Variants in SEC63 observed in about 807,000 individuals in gnomAD.
SEC63 encodes SEC63 protein translocation regulator, also known as translocation protein SEC63 homolog.
Under a neutral mutation model 116.2 loss-of-function variants are expected in SEC63, and 56 were observed. The ratio of observed to expected loss-of-function variants is 0.48; its 90% CI spans 0.39 to 0.60. The LOEUF (loss-of-function observed/expected upper bound fraction) is 0.60, where lower values mean the gene tolerates loss of function less well. SEC63 is among the 20% of genes least tolerant of loss of function. The probability of loss-of-function intolerance (pLI) is 0.00; values close to 1 mark genes in which losing one functional copy is unlikely to be tolerated. For synonymous variants in SEC63, 273 were observed against 294.6 expected, an observed-to-expected ratio of 0.93 and a Z score of 0.75; for missense variants, 668 against 900.0, an observed-to-expected ratio of 0.74 and a Z score of 3.30.
At chr6:107,904,151 A>G (rs959515976) in intron 11 of SEC63, among the ~76,000 whole-genome samples, 1 of 133,918 alleles carries the variant, frequency 7.5e-6, no homozygotes, top group African/African-American at 2.9e-5. Context: ...AAAATCAAAA[A>G]CACAGTGACC....
chr6:107,918,993 C>T (rs1787482958), intron 4 of SEC63, among the ~76,000 whole-genome samples: 1 of 149,006 alleles, frequency 6.7e-6, no homozygotes, highest in Admixed American at 6.8e-5. Flanking sequence ...CCACCCCAAC[C>T]TCCGCCTCCC....
rs866867704 is a variant in SEC63 at position 107,924,851 on chromosome 6, T to C, written c.306A>G (p.Glu102=). The change falls in exon 3 of 21, where the codon GAA becomes GAG. Residue 102 remains glutamate (E), a synonymous_variant. Coordinates refer to ENST00000369002, the MANE Select transcript of SEC63 (RefSeq NM_007214.5). ...AATTTAATACTTCATAAGGATTGTA[T>C]TCTTGGTATTCTCGGTCTGTTTTGG... ...KVSKTDREYQ[E]YNPYEVLNLD... is the part of the protein sequence containing the mutation. 6.3e-7 allele frequency: 1 copy of C among 1,579,424 alleles called. No individual in the cohort carries two copies. The highest frequency in any genetic ancestry group is 1.7e-4 in the Middle Eastern group (1 of 5,990).
At chr6:107,930,797 C>T (rs1787789264) in intron 1 of SEC63, among the ~76,000 whole-genome samples, 1 of 149,882 alleles carries the variant, frequency 6.7e-6, no homozygotes, top group Non-Finnish European at 1.5e-5. Flanking sequence ...AAGTTAAAGA[C>T]CAACCTGGCC....
At chr6:107,911,990 C>G (rs1317221994) in intron 6 of SEC63, among the ~76,000 whole-genome samples, 2 of 152,308 alleles carry the variant, frequency 1.3e-5, no homozygotes, top group Non-Finnish European at 2.9e-5. Flanking sequence ...ACTATTCCTA[C>G]TAACCAGAAG....
In SEC63 at chr6:107,871,836, A is replaced by C; in HGVS notation, c.2151T>G (p.His717Gln). ...DQIKPLKLEV[H>Q]EAKPVPENHP... ...GATTTTCTGGCACAGGCTTAGCCTC[A>C]TGAACTTCCAACTAGAAAGAAGAAT... The change falls in exon 21 of 21, where the codon CAT becomes CAG. Residue 717 changes from histidine to glutamine, a missense_variant. By Grantham distance (24) the His-to-Gln change is conservative. Coordinates refer to ENST00000369002, the MANE Select transcript of SEC63 (RefSeq NM_007214.5). 6.2e-7 allele frequency: 1 copy of C among 1,613,676 alleles called. No individual in the cohort carries two copies. The highest frequency in any genetic ancestry group is 8.5e-7 in the Non-Finnish European group (1 of 1,179,724).
chr6:107,871,905 T>C, intron 20 of SEC63, 58 bp from the exon 21 acceptor site: 1 of 1,577,730 alleles, frequency 6.3e-7, no homozygotes, highest in Admixed American at 1.7e-5. Flanking sequence ...ATGGAAGAAA[T>C]CTTGGTAAAC....
At chr6:107,936,267 CTA>C (rs1487241521) in intron 1 of SEC63, among the ~76,000 whole-genome samples, 4 of 152,188 alleles carry the variant, frequency 2.6e-5, no homozygotes, top group Non-Finnish European at 4.4e-5. Context: ...TTTTAGGAGA[CTA>C]TTTCAATCAA....
At chr6:107,932,987 G>A (rs959199473) in intron 1 of SEC63, among the ~76,000 whole-genome samples, 2 of 152,008 alleles carry the variant, frequency 1.3e-5, no homozygotes, top group African/African-American at 4.8e-5. Context: ...AATGACAAAA[G>A]GGACTTTACA....
rs748399382 is a variant in SEC63, at chr6:107,902,900, G to C, written c.1153C>G (p.Leu385Val). The change falls in exon 12 of 21, where the codon CTG becomes GTG. Residue 385 changes from leucine to valine, a missense_variant. Around this residue, in one of 5 missense-constraint regions of SEC63, gnomAD observed 430 missense variants for 557.5 expected, o/e 0.77. Coordinates refer to ENST00000369002, the MANE Select transcript of SEC63 (RefSeq NM_007214.5). ...TCCTCTTCAATATGAGGGAGCTGCA[G>C]AAGGGGAGACTTAAATTGCTGAAGT... ...QGLQQFKSPLLQLPHIEEDNL... is the reference protein window; with the variant it reads ...QGLQQFKSPLVQLPHIEEDNL... 2 of 1,613,844 alleles carry C rather than the reference G, an allele frequency of 1.2e-6. No homozygotes were observed. The highest frequency in any genetic ancestry group is 1.7e-6 in the Non-Finnish European group (2 of 1,179,752).
intron 1 of SEC63, 53 bp from the exon 2 acceptor site, chr6:107,929,567 G>A: frequency 1.9e-6 from 2 of 1,067,780 alleles, no homozygotes; most frequent in Non-Finnish European, 2.9e-6. Context: ...ACAAGTGAAG[G>A]TAAAACCAGC....
chr6:107,902,401 G>A (rs1447172887), intron 12 of SEC63, among the ~76,000 whole-genome samples: 1 of 151,800 alleles, frequency 6.6e-6, no homozygotes, highest in Non-Finnish European at 1.5e-5. Flanking sequence ...ACAAATTTTT[G>A]TTATATCTTA....
chr6:107,923,710 TG>T (rs199627677), intron 3 of SEC63, among the ~76,000 whole-genome samples: 9,195 of 141,232 alleles, frequency 0.065, 952 homozygotes, highest in African/African-American at 0.21. Context: ...TTTTTTTTTT[TG>T]ATACAGCCTG....
At chr6:107,950,582 A>G (rs1329700145) in intron 1 of SEC63, among the ~76,000 whole-genome samples, 2 of 152,236 alleles carry the variant, frequency 1.3e-5, no homozygotes, top group Non-Finnish European at 1.5e-5. Context: ...ACCGTAACAG[A>G]TGAGTATGAC....
At chr6:107,872,394 C>A (rs1234370958) in intron 20 of SEC63, among the ~76,000 whole-genome samples, 3 of 151,796 alleles carry the variant, frequency 2.0e-5, no homozygotes, top group Non-Finnish European at 4.4e-5. Flanking sequence ...AATTGGTAAA[C>A]AAAGATCAGA....
intron 2 of SEC63, 141 bp from the exon 3 acceptor site, chr6:107,925,073 A>G (rs2114481367): frequency 1.5e-6 from 1 of 688,902 alleles, no homozygotes. Context: ...TCACTGGGTT[A>G]CAAACTCCTG....
chr6:107,908,961 G>A lies in SEC63; in HGVS notation c.699C>T (p.Tyr233=). ...CCATATTTCGGGTTTTATAAACAAAGTATGTATAAATCTGTGTTGTGCGTA... is the reference window on the plus strand; with the variant it reads ...CCATATTTCGGGTTTTATAAACAAAATATGTATAAATCTGTGTTGTGCGTA... ...ILIRTTQIYT[Y]FVYKTRNMDM... is the part of the protein sequence containing the mutation. The change falls in exon 8 of 21, where the codon TAC becomes TAT. Residue 233 remains tyrosine (Y), a synonymous_variant. Transcript: ENST00000369002. 6.2e-7 allele frequency: 1 copy of A among 1,611,900 alleles called. No homozygotes were observed. Among genetic ancestry groups the A allele is most frequent in the Non-Finnish European group, 8.5e-7 (1 of 1,178,196 alleles).
chr6:107,954,817 A>G (rs1314231870), intron 1 of SEC63: 1 of 150,440 alleles, frequency 6.6e-6, no homozygotes, highest in Non-Finnish European at 1.5e-5. Context: ...TACAACTGTA[A>G]TTCCACAGAA....
intron 2 of SEC63, among the ~76,000 whole-genome samples, chr6:107,928,102 CT>C (rs1275483644): frequency 2.6e-5 from 4 of 152,054 alleles, no homozygotes; most frequent in Non-Finnish European, 5.9e-5. Context: ...GAAAATTACT[CT>C]TTTCAAGACT....
intron 1 of SEC63, among the ~76,000 whole-genome samples, chr6:107,950,460 C>A (rs1415948985): frequency 6.6e-6 from 1 of 152,154 alleles, no homozygotes; most frequent in East Asian, 1.9e-4. Context: ...CCTACAGCAG[C>A]AGCACATACA....
Sources: gnomAD v4.1 joint callset for allele counts (sites outside exome capture counted in the v4.1 genomes callset) on GRCh38, gnomAD v4.1.1 for gene constraint, gnomAD v4.1.1 regional missense constraint, MANE v1.5 for transcripts, NCBI Gene and HGNC (gene_info 2026-07-23, HGNC 2026-07-21) for gene names.